TYW1B: variants seen among roughly 807,000 people sequenced by gnomAD.
TYW1B encodes S-adenosyl-L-methionine-dependent tRNA 4-demethylwyosine synthase TYW1B.
A neutral mutation model predicts 86.9 loss-of-function variants in TYW1B; 73 were observed. That is an observed-to-expected ratio of 0.84 (90% CI 0.70 to 1.02). The LOEUF is 1.02. Ranked by LOEUF, TYW1B falls within the 50% of genes least tolerant of loss-of-function variation. TYW1B has a pLI of 0.00. For synonymous variants in TYW1B, 248 were observed against 292.8 expected (o/e 0.85, Z 1.56); for missense variants, 637 against 827.4 (o/e 0.77, Z 2.82).
At chr7:72,818,877 A>T (rs1361824742) in intron 2 of TYW1B, among the ~76,000 whole-genome samples, 2 of 152,032 alleles carry the variant, frequency 1.3e-5, no homozygotes, top group Non-Finnish European at 2.9e-5. Flanking sequence ...GTGCTAAACC[A>T]CTCATGCGAA....
At chr7:72,765,475 AT>A (rs1443170969) in intron 7 of TYW1B, among the ~76,000 whole-genome samples, 2 of 151,816 alleles carry the variant, frequency 1.3e-5, no homozygotes, top group Non-Finnish European at 2.9e-5. Context: ...AAACTAGATA[AT>A]TTTTTTTGAG....
At chr7:72,711,650 T>A (rs1786671304) in intron 10 of TYW1B, among the ~76,000 whole-genome samples, 1 of 150,692 alleles carries the variant, frequency 6.6e-6, no homozygotes, top group South Asian at 2.1e-4. Flanking sequence ...TTATTATTAT[T>A]ATTTGTATTT....
chr7:72,662,983 T>C (rs1813370180), intron 11 of TYW1B, among the ~76,000 whole-genome samples: 1 of 152,220 alleles, frequency 6.6e-6, no homozygotes, highest in Admixed American at 6.6e-5. Flanking sequence ...CCCTTTCCTG[T>C]AAATTCTTTT....
chr7:72,797,448 C>T (rs1788324046), intron 6 of TYW1B, among the ~76,000 whole-genome samples: 1 of 152,166 alleles, frequency 6.6e-6, no homozygotes, highest in African/African-American at 2.4e-5. Context: ...CCCTCATGCC[C>T]ACTCCCCAGA....
At chr7:72,587,683 A>G (rs1186762255) in intron 13 of TYW1B, among the ~76,000 whole-genome samples, 2 of 152,228 alleles carry the variant, frequency 1.3e-5, no homozygotes, top group Admixed American at 6.5e-5. Context: ...CTCCAGCTGC[A>G]TGACTCCTAA....
intron 11 of TYW1B, among the ~76,000 whole-genome samples, chr7:72,680,088 T>C (rs1190950020): frequency 6.6e-6 from 1 of 152,364 alleles, no homozygotes; most frequent in East Asian, 1.9e-4. Context: ...ATGATCATAC[T>C]GTGGCACTCC....
chr7:72,714,409 G>A (rs1786736350), intron 9 of TYW1B, among the ~76,000 whole-genome samples: 1 of 151,716 alleles, frequency 6.6e-6, no homozygotes, highest in South Asian at 2.1e-4. Context: ...TTCAGCCAAG[G>A]AGTTCAAAAC....
chr7:72,639,698 T>C (rs1554441261), intron 11 of TYW1B, among the ~76,000 whole-genome samples: 2 of 151,816 alleles, frequency 1.3e-5, no homozygotes, highest in African/African-American at 4.8e-5. Flanking sequence ...ATGCAGTTTC[T>C]ACTAAAAATA....
rs183210594 is a variant in TYW1B at position 72,772,033 on chromosome 7, G to A, written c.964+5383C>T. ...GGCTGATTTTTTTGTATTTTCAGTAGGAATGGGGTTTCACCATGTTGGCCA... is the reference window on the plus strand; with the variant it reads ...GGCTGATTTTTTTGTATTTTCAGTAAGAATGGGGTTTCACCATGTTGGCCA... On this transcript the variant is annotated intron_variant, in intron 7 of 13. Coordinates refer to ENST00000620995, the MANE Select transcript of TYW1B (RefSeq NM_001145440.3). Among the ~76,000 whole-genome samples, 13 of 151,654 alleles carry A rather than the reference G, an allele frequency of 8.6e-5. No homozygotes were observed. The East Asian group carries it at 2.5e-3, about 29-fold the overall frequency.
chr7:72,746,745 G>A (rs114494562), intron 7 of TYW1B, among the ~76,000 whole-genome samples: 289 of 152,260 alleles, frequency 1.9e-3, no homozygotes, highest in African/African-American at 6.7e-3. Context: ...CCCATAAGAT[G>A]GAAGAGCAAC....
At chr7:72,721,832 T>C (rs1786909571) in intron 9 of TYW1B, among the ~76,000 whole-genome samples, 1 of 152,190 alleles carries the variant, frequency 6.6e-6, no homozygotes, top group Non-Finnish European at 1.5e-5. Context: ...ACAATTACAG[T>C]CAGCAGAGTA....
Position 72,745,445 on chromosome 7 carries a change from C to T in TYW1B, c.965-844G>A, listed in dbSNP as rs530509064. ...ATGCAAGGGATAAAAACAAATATCA[C>T]GAGTCATATAAGTTGGTACATGTAG... On this transcript the variant is annotated intron_variant, in intron 7 of 13. Coordinates refer to ENST00000620995, the MANE Select transcript of TYW1B (RefSeq NM_001145440.3). 3.9e-5 allele frequency among the ~76,000 whole-genome samples: 6 copies of T among 151,988 alleles called. No homozygotes were observed. In the East Asian group the frequency reaches 7.8e-4, roughly 20 times the overall value.
rs1256126936 is a variant in TYW1B at position 72,828,195 on chromosome 7, A to C, written c.-120T>G. 7.7e-6 allele frequency: 12 copies of C among 1,550,090 alleles called. No individual in the cohort carries two copies. In the African/African-American group the frequency reaches 1.4e-4, roughly 18 times the overall value. ...TTAGCGCCGTACCGAGTGGCTGCAG[A>C]ACTGTGGGCAGCTACGACGCTGCCA... On this transcript the variant is annotated 5_prime_UTR_variant, in exon 1 of 14. Transcript: ENST00000620995.
intron 5 of TYW1B, among the ~76,000 whole-genome samples, chr7:72,804,308 T>A (rs112322693): frequency 8.3e-5 from 12 of 145,054 alleles, no homozygotes; most frequent in Middle Eastern, 3.6e-3. Context: ...AAGAAAAAAA[T>A]TAAATTAAAA....
intron 11 of TYW1B, among the ~76,000 whole-genome samples, chr7:72,683,520 A>T (rs1466269942): frequency 6.6e-6 from 1 of 152,194 alleles, no homozygotes; most frequent in Non-Finnish European, 1.5e-5. Context: ...CAGTGAGCCG[A>T]GATCGTGCCA....
In TYW1B at chr7:72,658,518, A is replaced by G. The variant is rs546900936; in HGVS notation, c.1507-29521T>C. ...TATAAATAGATACTCCTTCTAGGGA[A>G]TGAAACTTAAGCGGGAAGGAAATGG... On this transcript the variant is annotated intron_variant, in intron 11 of 13. Coordinates refer to ENST00000620995, the MANE Select transcript of TYW1B (RefSeq NM_001145440.3). 6.6e-5 allele frequency among the ~76,000 whole-genome samples: 10 copies of G among 152,338 alleles called. No individual in the cohort carries two copies. In the South Asian group the frequency reaches 8.3e-4, roughly 13 times the overall value.
intron 7 of TYW1B, among the ~76,000 whole-genome samples, chr7:72,760,994 A>C (rs1433972720): frequency 3.9e-5 from 6 of 152,342 alleles, no homozygotes; most frequent in African/African-American, 1.4e-4. Flanking sequence ...TAATAGAGAA[A>C]TAACTTGAAA....
intron 11 of TYW1B, among the ~76,000 whole-genome samples, chr7:72,680,059 T>C (rs1436982344): frequency 3.9e-5 from 6 of 152,254 alleles, no homozygotes; most frequent in African/African-American, 1.4e-4. Context: ...AGTCCAGGAG[T>C]TCAAGGCTGT....
intron 11 of TYW1B, among the ~76,000 whole-genome samples, chr7:72,653,610 A>AAAT (rs61287709): frequency 1.3e-5 from 2 of 150,508 alleles, no homozygotes; most frequent in African/African-American, 2.4e-5. Context: ...CCGTCTCAAA[A>AAAT]AATAATAATA....
Sources: allele counts gnomAD v4.1 joint callset (sites outside exome capture counted in the v4.1 genomes callset), GRCh38; gene constraint gnomAD v4.1.1; transcripts MANE v1.5; gene names NCBI Gene and HGNC (gene_info 2026-07-23, HGNC 2026-07-21).